MAML3: variants seen among roughly 807,000 people sequenced by gnomAD.
MAML3 encodes the protein mastermind-like protein 3.
A neutral mutation model predicts 101.9 loss-of-function variants in MAML3; 27 were observed. That is an observed-to-expected ratio of 0.27 (90% CI 0.20 to 0.37). The LOEUF (loss-of-function observed/expected upper bound fraction) is 0.37, where lower values mean the gene tolerates loss of function less well. MAML3 is among the 10% of genes least tolerant of loss of function. MAML3 has a pLI of 1.00. For missense variants in MAML3, 1,316 were observed against 1,444.9 expected (o/e 0.91, Z 1.45); for synonymous variants, 501 against 555.9 (o/e 0.90, Z 1.39).
intron 1 of MAML3, among the ~76,000 whole-genome samples, chr4:140,152,209 A>AGCG (rs2111070433): frequency 6.6e-6 from 1 of 152,162 alleles, no homozygotes; most frequent in South Asian, 2.1e-4. Context: ...TCCCGCGAGC[A>AGCG]CCCCCGCGCG....
At chr4:139,863,343 C>CTTTTT (rs11439880) in intron 2 of MAML3, among the ~76,000 whole-genome samples, 2 of 120,550 alleles carry the variant, frequency 1.7e-5, no homozygotes, top group East Asian at 2.7e-4. Context: ...TTCCTGTGCC[C>CTTTTT]TTTTTTTTTT....
chr4:139,935,045 T>C (rs1468929686), intron 1 of MAML3, among the ~76,000 whole-genome samples: 2 of 152,140 alleles, frequency 1.3e-5, no homozygotes, highest in Non-Finnish European at 2.9e-5. Context: ...TTGGGCAACG[T>C]ACGGCTGCCA....
intron 1 of MAML3, among the ~76,000 whole-genome samples, chr4:139,934,198 G>A (rs1164334312): frequency 6.6e-6 from 1 of 152,000 alleles, no homozygotes; most frequent in African/African-American, 2.4e-5. Context: ...GTGAATGTGT[G>A]TGTCTGTGTG....
At chr4:139,745,040 C>T (rs1729276892) in intron 2 of MAML3, among the ~76,000 whole-genome samples, 1 of 152,244 alleles carries the variant, frequency 6.6e-6, no homozygotes, top group Non-Finnish European at 1.5e-5. Flanking sequence ...CTCGCTCTAA[C>T]ATTTCTCTGG....
chr4:140,102,741 C>T (rs1728273710), intron 1 of MAML3, among the ~76,000 whole-genome samples: 1 of 152,072 alleles, frequency 6.6e-6, no homozygotes, highest in Non-Finnish European at 1.5e-5. Context: ...AGGGTAGACA[C>T]CCTGGCTCCC....
intron 1 of MAML3, among the ~76,000 whole-genome samples, chr4:139,916,971 G>T (rs1733040905): frequency 1.3e-5 from 2 of 152,172 alleles, no homozygotes; most frequent in Non-Finnish European, 2.9e-5. Context: ...CAGAACAAGG[G>T]TTCTGTGACA....
intron 4 of MAML3, among the ~76,000 whole-genome samples, chr4:139,721,304 G>A (rs1043905450): frequency 2.0e-5 from 3 of 152,266 alleles, no homozygotes; most frequent in South Asian, 2.1e-4. Flanking sequence ...TGGAAATGTC[G>A]CCAGTAGAAC....
Position 139,730,575 on chromosome 4 carries a change from G to C in MAML3, c.2172C>G (p.Pro724=), listed in dbSNP as rs778933002. 6.2e-7 allele frequency: 1 copy of C among 1,604,906 alleles called. No individual in the cohort carries two copies. The highest frequency in any genetic ancestry group is 1.1e-5 in the South Asian group (1 of 89,038). The change falls in exon 3 of 5, where the codon CCC becomes CCG. Residue 724 remains proline (P), a synonymous_variant. Transcript: ENST00000509479. Reference sequence around the variant, plus strand: ...GGCTGCCCAGGAAGCCGGGGCCTGCGGGACTGGCTCCTGAGACCATGCCAC... The same window carrying C: ...GGCTGCCCAGGAAGCCGGGGCCTGCCGGACTGGCTCCTGAGACCATGCCAC... ...GSGGMVSGAS[P]AGPGFLGSQP...
chr4:139,973,219 T>C (rs1191965471), intron 1 of MAML3, among the ~76,000 whole-genome samples: 2 of 152,200 alleles, frequency 1.3e-5, no homozygotes, highest in African/African-American at 4.8e-5. Flanking sequence ...GGCCAGGCCG[T>C]GGGTCACTAA....
intron 2 of MAML3, among the ~76,000 whole-genome samples, chr4:139,770,230 C>A (rs1729948382): frequency 6.6e-6 from 1 of 152,224 alleles, no homozygotes; most frequent in Non-Finnish European, 1.5e-5. Context: ...CTGTGCCCAG[C>A]CAAGGCTCCT....
intron 1 of MAML3, among the ~76,000 whole-genome samples, chr4:140,082,141 C>A (rs1475483662): frequency 6.6e-6 from 1 of 152,176 alleles, no homozygotes; most frequent in Non-Finnish European, 1.5e-5. Context: ...TAGGAAGCAG[C>A]TGAAAAGAAA....
At chr4:140,018,897 A>T (rs1726689759) in intron 1 of MAML3, among the ~76,000 whole-genome samples, 1 of 152,026 alleles carries the variant, frequency 6.6e-6, no homozygotes, top group Admixed American at 6.6e-5. Flanking sequence ...AACTGACAAT[A>T]AACTAGAAAT....
At chr4:140,147,967 T>A (rs1729094260) in intron 1 of MAML3, among the ~76,000 whole-genome samples, 2 of 152,170 alleles carry the variant, frequency 1.3e-5, no homozygotes, top group South Asian at 4.1e-4. Flanking sequence ...AAATGCCTTA[T>A]ATTCCTATCT....
intron 1 of MAML3, among the ~76,000 whole-genome samples, chr4:139,910,767 G>A (rs868061435): frequency 2.0e-5 from 3 of 152,156 alleles, no homozygotes; most frequent in Admixed American, 1.3e-4. Context: ...GTGTGAAGGA[G>A]AAGGGAAGTC....
At chr4:140,122,767 G>A (rs112193768) in intron 1 of MAML3, among the ~76,000 whole-genome samples, 4,104 of 136,916 alleles carry the variant, frequency 0.03, 217 homozygotes, top group African/African-American at 0.11. Flanking sequence ...ACTCCAGCCT[G>A]GGCGACAGAG....
At chr4:140,096,395 T>C (rs972957295) in intron 1 of MAML3, among the ~76,000 whole-genome samples, 2 of 152,148 alleles carry the variant, frequency 1.3e-5, no homozygotes, top group East Asian at 1.9e-4. Flanking sequence ...GAATACAGCA[T>C]GGACCCTCAG....
At chr4:139,874,012 C>G (rs1225979158) in intron 2 of MAML3, among the ~76,000 whole-genome samples, 1 of 152,100 alleles carries the variant, frequency 6.6e-6, no homozygotes, top group Non-Finnish European at 1.5e-5. Flanking sequence ...ATTAAAAGGT[C>G]TTTTCATTAT....
At chr4:140,050,438 T>C (rs1727248734) in intron 1 of MAML3, among the ~76,000 whole-genome samples, 1 of 152,024 alleles carries the variant, frequency 6.6e-6, no homozygotes, top group African/African-American at 2.4e-5. Flanking sequence ...CTGTCTGCCC[T>C]TCTAAACCAG....
intron 1 of MAML3, among the ~76,000 whole-genome samples, chr4:140,069,414 GAGGAGGGGAAGGAGGAGA>G (rs1727597973): frequency 4.6e-5 from 3 of 64,676 alleles, no homozygotes; most frequent in Non-Finnish European, 1.0e-4. Flanking sequence ...GGAGGAGGAG[GAGGAGGGGAAGGAGGAGA>G]AGGAGGAGAA....
Sources: allele counts gnomAD v4.1 joint callset (sites outside exome capture counted in the v4.1 genomes callset), GRCh38; gene constraint gnomAD v4.1.1; transcripts MANE v1.5; gene names NCBI Gene and HGNC (gene_info 2026-07-23, HGNC 2026-07-21).